Variants in LAMB1 observed in about 807,000 individuals in gnomAD.
LAMB1 encodes the protein laminin subunit beta-1.
LAMB1 carries 121 observed loss-of-function variants against 222.3 expected under a neutral mutation model. The observed-to-expected ratio is 0.54, with a 90% confidence interval of 0.47 to 0.63. The LOEUF (loss-of-function observed/expected upper bound fraction) is 0.63, where lower values mean the gene tolerates loss of function less well. Ranked by LOEUF, LAMB1 falls within the 30% of genes least tolerant of loss-of-function variation. The probability of loss-of-function intolerance (pLI) is 0.00; values close to 1 mark genes in which losing one functional copy is unlikely to be tolerated. For missense variants in LAMB1, 2,172 were observed against 2,240.8 expected, an observed-to-expected ratio of 0.97 and a Z score of 0.62; for synonymous variants, 794 against 807.2, an observed-to-expected ratio of 0.98 and a Z score of 0.28.
At position 107,985,063 on chromosome 7, in the gene LAMB1, T is replaced by C. The variant is rs116094515; in HGVS notation, c.676+959A>G. Among the ~76,000 whole-genome samples, 1,344 of 152,302 alleles carry C rather than the reference T, an allele frequency of 8.8e-3. 20 individuals carry two copies. The highest frequency in any genetic ancestry group is 0.03 in the African/African-American group (1,255 of 41,562). On this transcript the variant is annotated intron_variant, in intron 7 of 33. Transcript: ENST00000222399. The stretch of plus-strand genomic sequence containing the variant: ...GAGACTCTTTGATACAAAAGCCCAA[T>C]ATATACCCTAATATACTGAGCAATA...
intron 5 of LAMB1, among the ~76,000 whole-genome samples, chr7:107,987,137 C>T (rs1281435375): frequency 1.3e-5 from 2 of 152,140 alleles, no homozygotes; most frequent in Admixed American, 6.6e-5. Context: ...GAATGAAATG[C>T]CAATACATGC....
intron 15 of LAMB1, among the ~76,000 whole-genome samples, chr7:107,961,957 T>C (rs1411905694): frequency 1.3e-5 from 2 of 152,320 alleles, no homozygotes; most frequent in African/African-American, 2.4e-5. Context: ...TTGAAATGCT[T>C]CAATAGCTTC....
intron 24 of LAMB1, among the ~76,000 whole-genome samples, chr7:107,944,045 C>T (rs2033057611): frequency 6.6e-6 from 1 of 152,196 alleles, no homozygotes; most frequent in Admixed American, 6.5e-5. Flanking sequence ...CACCCATCTC[C>T]CTTAGACTTG....
intron 7 of LAMB1, 131 bp from the exon 8 acceptor site, chr7:107,980,942 A>G (rs193153561): frequency 8.2e-6 from 5 of 609,656 alleles, no homozygotes; most frequent in East Asian, 2.8e-5. Context: ...CTCTTGTATG[A>G]TCTAGATGAC....
At chr7:107,930,103 T>C (rs763001028) in intron 29 of LAMB1, 1 of 156,146 alleles carries the variant, frequency 6.4e-6, no homozygotes, top group African/African-American at 2.4e-5. Context: ...TGAATGCAGA[T>C]ATGGAGATTT....
At chr7:107,953,249 C>T (rs1189450007) in intron 22 of LAMB1, among the ~76,000 whole-genome samples, 1 of 151,668 alleles carries the variant, frequency 6.6e-6, no homozygotes, top group African/African-American at 2.4e-5. Flanking sequence ...CCCACCTACT[C>T]GGGAGGCTGA....
chr7:107,980,934 C>T, intron 7 of LAMB1, 123 bp from the exon 8 acceptor site: 1 of 619,698 alleles, frequency 1.6e-6, no homozygotes, highest in Non-Finnish European at 2.8e-6. Flanking sequence ...AGTTCCTCCT[C>T]TTGTATGATC....
rs369537571 is a variant in LAMB1, at chr7:107,935,355, T to TG, written c.4188+59_4188+60insC. ...ATGGTTTGTTTTTCTTTGTTTTTTT[T>TG]TTTTTTTTTTTTTTTTTTGCTTGGC... On this transcript the variant is annotated intron_variant, in intron 27 of 33. Transcript: ENST00000222399. 2.0e-3 allele frequency: 898 copies of TG among 449,696 alleles called. 2 individuals are homozygous for TG. The highest frequency in any genetic ancestry group is 6.8e-3 in the South Asian group (104 of 15,256). 27.9% of individuals were successfully genotyped at this position (449,696 alleles called of 1,614,324 possible). A position where few individuals can be genotyped will look rare whatever the true frequency, so the allele number is the denominator to read the frequency against.
chr7:107,973,510 G>A (rs928308557), intron 12 of LAMB1, among the ~76,000 whole-genome samples: 7 of 152,104 alleles, frequency 4.6e-5, no homozygotes, highest in East Asian at 1.9e-4. Flanking sequence ...ATACAGCTAC[G>A]ACTATTCTCA....
intron 23 of LAMB1, 150 bp from the exon 24 acceptor site, chr7:107,951,472 G>A (rs1012113202): frequency 1.7e-5 from 11 of 653,612 alleles, no homozygotes; most frequent in Non-Finnish European, 2.9e-5. Flanking sequence ...CACTTCAATC[G>A]TAGGTGTCGA....
intron 30 of LAMB1, 38 bp downstream of exon 30, chr7:107,929,374 C>G (rs752293599): frequency 1.3e-6 from 2 of 1,574,930 alleles, no homozygotes; most frequent in South Asian, 2.2e-5. Flanking sequence ...ATGATAGATA[C>G]ACAAAATAAG....
At chr7:107,964,400 C>T in intron 14 of LAMB1, 152 bp downstream of exon 14, 2 of 885,676 alleles carry the variant, frequency 2.3e-6, no homozygotes, top group Non-Finnish European at 3.5e-6. Flanking sequence ...TTAAATATGA[C>T]TCTTCTCAGG....
chr7:107,956,162 G>A (rs1364591966), intron 20 of LAMB1, among the ~76,000 whole-genome samples: 1 of 151,904 alleles, frequency 6.6e-6, no homozygotes, highest in African/African-American at 2.4e-5. Context: ...CTCCCAAAGT[G>A]CTGGGATTAC....
chr7:107,928,975 G>T, intron 31 of LAMB1, 89 bp downstream of exon 31: 2 of 1,254,880 alleles, frequency 1.6e-6, no homozygotes, highest in Non-Finnish European at 2.3e-6. Flanking sequence ...TGAGTTGTAA[G>T]AATTTCTGTT....
rs775603742 is a variant in LAMB1 at position 107,959,561 on chromosome 7, C to T, written c.2459-81G>A. The T allele has an allele frequency of 5.0e-6, 8 of 1,606,550 alleles. No homozygotes were observed. In the East Asian group the frequency reaches 1.3e-4, roughly 27 times the overall value. ...GCTCCTTTTATAAGCACCCTGTCCC[C>T]AATTCAGAATGCTCATGGGTTGGTG... is the stretch of plus-strand genomic sequence containing the variant. On this transcript the variant is annotated intron_variant, in intron 19 of 33. Coordinates refer to ENST00000222399, the MANE Select transcript of LAMB1 (RefSeq NM_002291.3).
rs551913751 is a variant in LAMB1, at chr7:107,994,806, T to C, written c.423+81A>G. Reference sequence around the variant, plus strand: ...TATTTAAGTTCCCATTTAGGTCAACTCACATCTGACATCCATTTTGAAAGG... The same window carrying C: ...TATTTAAGTTCCCATTTAGGTCAACCCACATCTGACATCCATTTTGAAAGG... On this transcript the variant is annotated intron_variant, in intron 5 of 33. Transcript: ENST00000222399. 13 of 761,976 alleles carry C rather than the reference T, an allele frequency of 1.7e-5. No homozygotes were observed. In the South Asian group the frequency reaches 2.0e-4, roughly 12 times the overall value. 47.2% of individuals were successfully genotyped at this position (761,976 alleles called of 1,614,324 possible). A position where few individuals can be genotyped will look rare whatever the true frequency, so the allele number is the denominator to read the frequency against.
intron 2 of LAMB1, chr7:108,002,041 C>T: frequency 3.5e-6 from 5 of 1,442,678 alleles, no homozygotes; most frequent in Non-Finnish European, 4.5e-6. Flanking sequence ...GAGCAGCTCC[C>T]CCAACAAAGG....
intron 28 of LAMB1, 109 bp from the exon 29 acceptor site, chr7:107,931,609 CAT>C (rs1399397648): frequency 4.7e-6 from 5 of 1,057,018 alleles, no homozygotes; most frequent in African/African-American, 3.2e-5. Context: ...TACTTGGAAT[CAT>C]ATGTCTGGGA....
At chr7:107,983,889 G>C (rs2034021618) in intron 7 of LAMB1, among the ~76,000 whole-genome samples, 1 of 152,080 alleles carries the variant, frequency 6.6e-6, no homozygotes, top group Non-Finnish European at 1.5e-5. Context: ...AGCAGTTGTT[G>C]AATGTGGTAA....
Sources: gnomAD v4.1 joint callset for allele counts (sites outside exome capture counted in the v4.1 genomes callset) on GRCh38, gnomAD v4.1.1 for gene constraint, MANE v1.5 for transcripts, NCBI Gene and HGNC (gene_info 2026-07-23, HGNC 2026-07-21) for gene names.